Variants in HS6ST3 observed in about 807,000 individuals in gnomAD.
HS6ST3 encodes heparan sulfate 6-O-sulfotransferase 3, also known as heparan-sulfate 6-O-sulfotransferase 3.
HS6ST3 carries 12 observed loss-of-function variants against 36.7 expected under a neutral mutation model. That is an observed-to-expected ratio of 0.33 (90% CI 0.21 to 0.53). The LOEUF (loss-of-function observed/expected upper bound fraction) is 0.53, where lower values mean the gene tolerates loss of function less well. Ranked by LOEUF, HS6ST3 falls within the 20% of genes least tolerant of loss-of-function variation. HS6ST3 has a pLI of 0.95. For missense variants in HS6ST3, 584 were observed against 640.9 expected, an observed-to-expected ratio of 0.91 and a Z score of 0.96; for synonymous variants, 240 against 257.5, an observed-to-expected ratio of 0.93 and a Z score of 0.65.
chr13:96,303,553 G>A (rs573442721), intron 1 of HS6ST3, among the ~76,000 whole-genome samples: 5 of 152,240 alleles, frequency 3.3e-5, no homozygotes, highest in Non-Finnish European at 7.4e-5. Flanking sequence ...TGAATGAAGA[G>A]TCCCTGTCTT....
chr13:96,816,979 A>G (rs1878434373), intron 1 of HS6ST3, among the ~76,000 whole-genome samples: 1 of 152,052 alleles, frequency 6.6e-6, no homozygotes, highest in Non-Finnish European at 1.5e-5. Flanking sequence ...ACCCCTATCT[A>G]CTGGGTTGAA....
chr13:96,620,484 C>T (rs1433719450), intron 1 of HS6ST3, among the ~76,000 whole-genome samples: 1 of 152,168 alleles, frequency 6.6e-6, no homozygotes, highest in Non-Finnish European at 1.5e-5. Context: ...GAAGCACCTA[C>T]CCAGGCCTTG....
intron 1 of HS6ST3, among the ~76,000 whole-genome samples, chr13:96,361,267 A>G (rs140150549): frequency 3.3e-5 from 5 of 152,190 alleles, no homozygotes; most frequent in Admixed American, 6.6e-5. Context: ...GAAGACCATG[A>G]TTTCAATCCA....
chr13:96,603,418 T>C (rs1159720416), intron 1 of HS6ST3, among the ~76,000 whole-genome samples: 1 of 152,248 alleles, frequency 6.6e-6, no homozygotes, highest in Non-Finnish European at 1.5e-5. Context: ...TCATTCATTT[T>C]CATTGCCTAT....
intron 1 of HS6ST3, among the ~76,000 whole-genome samples, chr13:96,714,738 A>G (rs1875649209): frequency 6.6e-6 from 1 of 152,162 alleles, no homozygotes; most frequent in African/African-American, 2.4e-5. Flanking sequence ...TTGCTATGTC[A>G]TCCAGACTGG....
intron 1 of HS6ST3, among the ~76,000 whole-genome samples, chr13:96,621,581 C>T (rs1485514277): frequency 6.6e-6 from 1 of 152,150 alleles, no homozygotes; most frequent in African/African-American, 2.4e-5. Context: ...AAACCTCTTT[C>T]CCTTTCTCTC....
At chr13:96,132,123 C>T (rs2053979075) in intron 1 of HS6ST3, among the ~76,000 whole-genome samples, 1 of 1,692 alleles carries the variant, frequency 5.9e-4, no homozygotes, top group Non-Finnish European at 1.9e-3. Flanking sequence ...TATTCCAGTA[C>T]ACACACACAC....
chr13:96,672,563 G>A (rs1473015882), intron 1 of HS6ST3, among the ~76,000 whole-genome samples: 1 of 152,052 alleles, frequency 6.6e-6, no homozygotes, highest in Admixed American at 6.6e-5. Flanking sequence ...TTTGAAGTCT[G>A]TTCATTGCTC....
At chr13:96,225,816 G>C (rs968320770) in intron 1 of HS6ST3, among the ~76,000 whole-genome samples, 1 of 152,070 alleles carries the variant, frequency 6.6e-6, no homozygotes, top group Non-Finnish European at 1.5e-5. Context: ...ATTTAAGAAA[G>C]AATCGAAACT....
chr13:96,807,078 G>A (rs1422907956), intron 1 of HS6ST3, among the ~76,000 whole-genome samples: 1 of 152,244 alleles, frequency 6.6e-6, no homozygotes, highest in East Asian at 1.9e-4. Flanking sequence ...CCTCTGGAAA[G>A]TGGAAATGAC....
intron 1 of HS6ST3, among the ~76,000 whole-genome samples, chr13:96,325,686 A>G (rs1442565648): frequency 6.6e-6 from 1 of 152,200 alleles, no homozygotes; most frequent in Non-Finnish European, 1.5e-5. Context: ...GTACTGAAGG[A>G]CAACTGTAAT....
At chr13:96,113,094 C>T (rs985372656) in intron 1 of HS6ST3, among the ~76,000 whole-genome samples, 36 of 152,044 alleles carry the variant, frequency 2.4e-4, no homozygotes, top group Non-Finnish European at 1.2e-4. Flanking sequence ...CCTCCAGATC[C>T]GAGGAGATCA....
chr13:96,724,043 C>T (rs1177087684), intron 1 of HS6ST3, among the ~76,000 whole-genome samples: 1 of 151,882 alleles, frequency 6.6e-6, no homozygotes, highest in African/African-American at 2.4e-5. Flanking sequence ...CTTTATTTCC[C>T]TCTTGGGATC....
At chr13:96,581,395 AT>A (rs1428784661) in intron 1 of HS6ST3, among the ~76,000 whole-genome samples, 2 of 151,250 alleles carry the variant, frequency 1.3e-5, no homozygotes, top group Admixed American at 6.6e-5. Context: ...AATTTTTTGT[AT>A]TTTTTTTAGT....
intron 1 of HS6ST3, among the ~76,000 whole-genome samples, chr13:96,617,341 C>G (rs146321253): frequency 1.4e-4 from 21 of 152,142 alleles, no homozygotes; most frequent in Admixed American, 1.2e-3. Flanking sequence ...TTCTATTTTT[C>G]TATTAGTTAC....
chr13:96,373,772 G>A (rs972566958), intron 1 of HS6ST3, among the ~76,000 whole-genome samples: 2 of 152,122 alleles, frequency 1.3e-5, no homozygotes, highest in Non-Finnish European at 2.9e-5. Flanking sequence ...TGAAATAAGT[G>A]GCTGGGTTTT....
chr13:96,591,377 G>A (rs1594813718), intron 1 of HS6ST3, among the ~76,000 whole-genome samples: 1 of 151,860 alleles, frequency 6.6e-6, no homozygotes, highest in Non-Finnish European at 1.5e-5. Flanking sequence ...TTTTTTATCA[G>A]TGTTTTATAG....
In HS6ST3 at chr13:96,483,131, AACTTCCTATGGAAAGG is replaced by A. The variant is rs1157715736; in HGVS notation, c.708-349357_708-349342del. The stretch of plus-strand genomic sequence containing the variant: ...TGAAAGTATAAAAGCAAACAGAGCT[AACTTCCTATGGAAAGG>A]AATATGGCTTGATGGTTTGATGAAT... On this transcript the variant is annotated intron_variant, in intron 1 of 1. Transcript: ENST00000376705. Among the ~76,000 whole-genome samples the A allele has an allele frequency of 5.3e-5, 8 of 152,372 alleles. No individual in the cohort carries two copies. In the East Asian group the frequency reaches 1.5e-3, roughly 29 times the overall value.
intron 1 of HS6ST3, among the ~76,000 whole-genome samples, chr13:96,699,808 G>A (rs1320603793): frequency 6.6e-6 from 1 of 152,170 alleles, no homozygotes; most frequent in Non-Finnish European, 1.5e-5. Flanking sequence ...GTTTATTGCG[G>A]CACTATTCAC....
Sources: gnomAD v4.1 joint callset for allele counts (sites outside exome capture counted in the v4.1 genomes callset) on GRCh38, gnomAD v4.1.1 for gene constraint, MANE v1.5 for transcripts, NCBI Gene and HGNC (gene_info 2026-07-23, HGNC 2026-07-21) for gene names.